The following IMMT variants were observed in gnomAD, a reference collection of about 807,000 sequenced individuals.
IMMT encodes MICOS complex subunit MIC60.
IMMT carries 40 observed loss-of-function variants against 92.7 expected under a neutral mutation model. The observed-to-expected ratio is 0.43, with a 90% CI of 0.34 to 0.56. IMMT has a LOEUF of 0.56. Ranked by LOEUF, IMMT falls within the 20% of genes least tolerant of loss-of-function variation. The pLI, the probability that IMMT is intolerant of heterozygous loss-of-function variation, is 0.03. For missense variants in IMMT, 831 were observed against 912.1 expected, an observed-to-expected ratio of 0.91 and a Z score of 1.14; for synonymous variants, 322 against 336.1, an observed-to-expected ratio of 0.96 and a Z score of 0.46.
At chr2:86,158,484 T>C (rs1035416886) in intron 10 of IMMT, 108 bp downstream of exon 10, 1 of 822,926 alleles carries the variant, frequency 1.2e-6, no homozygotes, top group Non-Finnish European at 1.9e-6. Flanking sequence ...AAAAGAGATA[T>C]GCATGCATGC....
chr2:86,191,472 T>A (rs1273663915), intron 1 of IMMT, among the ~76,000 whole-genome samples: 1 of 151,798 alleles, frequency 6.6e-6, no homozygotes, highest in African/African-American at 2.4e-5. Flanking sequence ...AACTGCACCA[T>A]CCACTCTCCT....
At chr2:86,164,686 T>C (rs1157468740) in intron 7 of IMMT, among the ~76,000 whole-genome samples, 1 of 40,256 alleles carries the variant, frequency 2.5e-5, no homozygotes, top group African/African-American at 7.8e-5. Context: ...CAAGACTCTG[T>C]CTCAAAAAAA....
At chr2:86,153,994 CT>C (rs1272590487) in intron 10 of IMMT, among the ~76,000 whole-genome samples, 1 of 152,090 alleles carries the variant, frequency 6.6e-6, no homozygotes, top group African/African-American at 2.4e-5. Flanking sequence ...TCCCAAGTAA[CT>C]TGGACTAGAG....
intron 10 of IMMT, among the ~76,000 whole-genome samples, chr2:86,155,087 G>A (rs764812241): frequency 1.3e-5 from 2 of 151,962 alleles, no homozygotes; most frequent in African/African-American, 4.8e-5. Flanking sequence ...GGTCTTGAAC[G>A]CCTAACCTCA....
chr2:86,150,578 G>A (rs1675393207), intron 12 of IMMT, among the ~76,000 whole-genome samples: 1 of 152,172 alleles, frequency 6.6e-6, no homozygotes, highest in Admixed American at 6.5e-5. Flanking sequence ...TTAATAAATG[G>A]TGTGCCCAGA....
At chr2:86,185,465 G>A (rs2105528068) in intron 1 of IMMT, among the ~76,000 whole-genome samples, 1 of 152,224 alleles carries the variant, frequency 6.6e-6, no homozygotes, top group African/African-American at 2.4e-5. Context: ...CTAAGGAGGT[G>A]CCCCTCAGAG....
chr2:86,164,052 ATTTTTTT>A (rs540613367), intron 7 of IMMT, among the ~76,000 whole-genome samples: 4 of 63,030 alleles, frequency 6.3e-5, no homozygotes, highest in African/African-American at 1.7e-4. Context: ...CACTTTAGTC[ATTTTTTT>A]TTTTTTTTTT....
intron 6 of IMMT, among the ~76,000 whole-genome samples, chr2:86,167,675 G>T (rs1676810101): frequency 6.6e-6 from 1 of 150,644 alleles, no homozygotes; most frequent in Non-Finnish European, 1.5e-5. Flanking sequence ...TAGCAGACAG[G>T]GTTTCACCGT....
intron 1 of IMMT, among the ~76,000 whole-genome samples, chr2:86,183,339 T>C (rs1331715701): frequency 6.6e-6 from 1 of 152,152 alleles, no homozygotes; most frequent in Non-Finnish European, 1.5e-5. Flanking sequence ...GACCAGGTCT[T>C]GCTATGTTGA....
At position 86,161,993 on chromosome 2, in the gene IMMT, A is replaced by G. The variant is rs779319984; in HGVS notation, c.879T>C (p.Asp293=). The change falls in exon 8 of 15, where the codon GAT becomes GAC. Residue 293 remains aspartate, a synonymous_variant. Coordinates refer to ENST00000410111, the MANE Select transcript of IMMT (RefSeq NM_006839.3). ...ERRKAVDEAA[D]ALLKAKEELE... ...GTAATTACTTGGCTTTGAGAAGGGC[A>G]TCGGCAGCTTCATCTACTGCCTTTC... The G allele has an allele frequency of 1.0e-5, 16 of 1,596,786 alleles. No individual in the cohort carries two copies. The highest frequency in any genetic ancestry group is 1.4e-5 in the Non-Finnish European group (16 of 1,171,338).
intron 2 of IMMT, among the ~76,000 whole-genome samples, chr2:86,180,140 T>G (rs1183676562): frequency 6.6e-6 from 1 of 152,130 alleles, no homozygotes; most frequent in Admixed American, 6.5e-5. Context: ...AAATACAATA[T>G]CTAGAAATCT....
intron 11 of IMMT, among the ~76,000 whole-genome samples, chr2:86,151,910 C>T (rs901833348): frequency 2.6e-5 from 4 of 152,212 alleles, no homozygotes; most frequent in Non-Finnish European, 5.9e-5. Flanking sequence ...AGATTCTTTT[C>T]TGCTAAAACT....
At chr2:86,166,402 G>T (rs1676680101) in intron 7 of IMMT, 106 bp downstream of exon 7, 1 of 959,942 alleles carries the variant, frequency 1.0e-6, no homozygotes, top group African/African-American at 1.6e-5. Flanking sequence ...ATATCATACG[G>T]AAGAAAGCAG....
intron 10 of IMMT, among the ~76,000 whole-genome samples, chr2:86,157,825 A>C (rs1319885014): frequency 6.6e-6 from 1 of 151,706 alleles, no homozygotes; most frequent in Non-Finnish European, 1.5e-5. Flanking sequence ...AAAGGTACAA[A>C]AAATTAGCCT....
At chr2:86,146,021 T>C in intron 14 of IMMT, 47 bp downstream of exon 14, 1 of 1,409,426 alleles carries the variant, frequency 7.1e-7, no homozygotes, top group Non-Finnish European at 9.5e-7. Flanking sequence ...TTTTGATAAA[T>C]TATGCTGAGG....
chr2:86,187,325 C>G (rs1415115877), intron 1 of IMMT, among the ~76,000 whole-genome samples: 2 of 152,164 alleles, frequency 1.3e-5, no homozygotes, highest in African/African-American at 4.8e-5. Context: ...TTTTGTCCAG[C>G]TTCTTTCACT....
At chr2:86,192,485 ATTCT>A (rs1370838635) in intron 1 of IMMT, among the ~76,000 whole-genome samples, 5 of 152,234 alleles carry the variant, frequency 3.3e-5, no homozygotes, top group Non-Finnish European at 1.5e-5. Context: ...GAACACATTC[ATTCT>A]TTCATTTATA....
At chr2:86,147,110 A>ATTAGAT (rs1443206431) in intron 13 of IMMT, among the ~76,000 whole-genome samples, 22 of 152,346 alleles carry the variant, frequency 1.4e-4, no homozygotes, top group Non-Finnish European at 2.9e-4. Flanking sequence ...AAACCTAAAC[A>ATTAGAT]TAATAATTAG....
intron 1 of IMMT, among the ~76,000 whole-genome samples, chr2:86,182,548 T>C (rs1379898022): frequency 6.6e-6 from 1 of 152,184 alleles, no homozygotes; most frequent in Non-Finnish European, 1.5e-5. Flanking sequence ...AGTATTTCAA[T>C]TATTGACATG....
Sources: allele counts gnomAD v4.1 joint callset (sites outside exome capture counted in the v4.1 genomes callset), GRCh38; gene constraint gnomAD v4.1.1; transcripts MANE v1.5; gene names NCBI Gene and HGNC (gene_info 2026-07-23, HGNC 2026-07-21).